RASGRP2: variants seen among roughly 807,000 people sequenced by gnomAD.
RASGRP2 encodes RAS guanyl releasing protein 2, also known as RAS guanyl-releasing protein 2.
RASGRP2 carries 44 observed loss-of-function variants against 71.0 expected under a neutral mutation model. The observed-to-expected ratio is 0.62, with a 90% CI of 0.49 to 0.80. The LOEUF (loss-of-function observed/expected upper bound fraction) is 0.80. Among genes scored for constraint, RASGRP2 ranks in the 30% least tolerant of loss-of-function variants. The pLI is 0.00. For synonymous variants in RASGRP2, 350 were observed against 330.7 expected (o/e 1.06, Z -0.63); for missense variants, 663 against 813.4 (o/e 0.82, Z 2.25).
chr11:64,735,131 C>G lies in RASGRP2; in HGVS notation c.1393G>C (p.Gly465Arg). 1.2e-6 allele frequency: 2 copies of G among 1,614,148 alleles called. No homozygotes were observed. ...RGNFPYLSAF[G>R]DLDQNQDGCI... ...CCTCACTGGTTCTGGTCGAGGTCCC[C>G]AAAGGCGCTGAGGTAAGGGAAGTTC... The change falls in exon 12 of 17, where the codon GGG becomes CGG. Residue 465 changes from glycine (G) to arginine (R), a missense_variant. By Grantham distance (125) the Gly-to-Arg change is moderately radical. Transcript: ENST00000394432. This position sits in a 1 kb window ranked among gnomAD's most constrained non-coding sequence, Gnocchi z 4.2.
At chr11:64,732,396 C>T (rs994169121) in intron 12 of RASGRP2, among the ~76,000 whole-genome samples, 5 of 152,064 alleles carry the variant, frequency 3.3e-5, no homozygotes, top group African/African-American at 7.2e-5. Flanking sequence ...CGGTGGCTCA[C>T]GCCTATAATC....
intron 12 of RASGRP2, among the ~76,000 whole-genome samples, chr11:64,732,417 G>C (rs1042364205): frequency 5.9e-5 from 9 of 152,242 alleles, no homozygotes; most frequent in Non-Finnish European, 1.2e-4. Flanking sequence ...CCAGAACTTC[G>C]GGAGGCCGAG....
chr11:64,735,189 G>A lies in RASGRP2; in HGVS notation c.1335C>T (p.His445=), dbSNP rs375253063. 1.4e-4 allele frequency: 224 copies of A among 1,614,124 alleles called. No homozygotes were observed. The highest frequency in any genetic ancestry group is 1.8e-4 in the Non-Finnish European group (212 of 1,180,060). The change falls in exon 12 of 17, where the codon CAC becomes CAT. Residue 445 remains histidine, a synonymous_variant. Coordinates refer to ENST00000394432, the MANE Select transcript of RASGRP2 (RefSeq NM_001098671.2). This position sits in a 1 kb window ranked among gnomAD's most constrained non-coding sequence, Gnocchi z 4.2. ...FRNFDVDGDG[H]ISQEEFQIIR... ...TGATCTGGAATTCTTCCTGTGAGAT[G>A]TGGCCATCCCCATCGACGTCAAAGT...
chr11:64,736,815 C>G lies in RASGRP2; in HGVS notation c.1033G>C (p.Ala345Pro), dbSNP rs200434813. 8.7e-6 allele frequency: 14 copies of G among 1,611,242 alleles called. No individual in the cohort carries two copies. The highest frequency in any genetic ancestry group is 1.1e-5 in the Non-Finnish European group (13 of 1,179,472). The change falls in exon 9 of 17, where the codon GCC (alanine) becomes CCC (proline). Residue 345 changes from alanine to proline, a missense_variant. Coordinates refer to ENST00000394432, the MANE Select transcript of RASGRP2 (RefSeq NM_001098671.2). The part of the protein sequence containing the change: ...KQLFSILEEL[A>P]MVTSLRPPVQ... ...GGTGGCCGCAGGCTGGTCACCATGGCCAGCTCCTCCAGGATGCTAAAGAGC... is the reference window on the plus strand; with the variant it reads ...GGTGGCCGCAGGCTGGTCACCATGGGCAGCTCCTCCAGGATGCTAAAGAGC...
In RASGRP2 at chr11:64,743,055, C is replaced by G; in HGVS notation, c.-71-118G>C. 8.6e-7 allele frequency: 1 copy of G among 1,166,876 alleles called. No homozygotes were observed. Among genetic ancestry groups the G allele is most frequent in the Non-Finnish European group, 1.2e-6 (1 of 813,094 alleles). 72.3% of individuals were successfully genotyped at this position (1,166,876 alleles called of 1,614,324 possible). On this transcript the variant is annotated intron_variant, in intron 1 of 16. Transcript: ENST00000394432. The surrounding 1 kb of genome is among the most constrained non-coding windows in gnomAD (Gnocchi z 4.9). ...GCTGGACAGGGGCGGAGTTGTCCCC[C>G]GCGGCCACTCCCGGGGTTAAACGGT...
chr11:64,730,268 C>T, intron 12 of RASGRP2, 74 bp from the exon 13 acceptor site: 1 of 1,536,516 alleles, frequency 6.5e-7, no homozygotes, highest in Non-Finnish European at 8.8e-7. Flanking sequence ...ACCCATCCCA[C>T]TGTTCCCAGT....
chr11:64,734,615 A>G (rs2057871137), intron 12 of RASGRP2, among the ~76,000 whole-genome samples: 1 of 152,256 alleles, frequency 6.6e-6, no homozygotes, highest in South Asian at 2.1e-4. Flanking sequence ...TTAAATTTTG[A>G]ATGGAGTTTT....
Position 64,742,069 on chromosome 11 carries a change from G to T in RASGRP2, c.117C>A (p.Phe39Leu). 6.2e-7 allele frequency: 1 copy of T among 1,610,530 alleles called. No individual in the cohort carries two copies. The highest frequency in any genetic ancestry group is 8.5e-7 in the Non-Finnish European group (1 of 1,178,380). The change falls in exon 3 of 17, where the codon TTC (phenylalanine) becomes TTA (leucine). Residue 39 changes from phenylalanine to leucine, a missense_variant. Phe to Leu is a conservative substitution (Grantham distance 22). Coordinates refer to ENST00000394432, the MANE Select transcript of RASGRP2 (RefSeq NM_001098671.2). The surrounding 1 kb of genome is among the most constrained non-coding windows in gnomAD (Gnocchi z 4.7). Reference sequence around the variant, plus strand: ...GGATGTACCAGGGGTGCATCATGAGGAACATGCGCACCAGCTGCGGGTCCC... The same window carrying T: ...GGATGTACCAGGGGTGCATCATGAGTAACATGCGCACCAGCTGCGGGTCCC... ...KVRDPQLVRM[F>L]LMMHPWYIPS...
In RASGRP2 at chr11:64,729,808, A is replaced by G; in HGVS notation, c.1555-10T>C. 6.2e-7 allele frequency: 1 copy of G among 1,614,004 alleles called. No homozygotes were observed. Among genetic ancestry groups the G allele is most frequent in the Non-Finnish European group, 8.5e-7 (1 of 1,179,926 alleles). ...TGTAGATGCCCAGGATCTGCAATAGAGGAGGGGCCGTGGTGGGAGGAGGGA... is the reference window on the plus strand; with the variant it reads ...TGTAGATGCCCAGGATCTGCAATAGGGGAGGGGCCGTGGTGGGAGGAGGGA... On this transcript the variant is annotated splice_polypyrimidine_tract_variant and intron_variant, in intron 13 of 16. Coordinates refer to ENST00000394432, the MANE Select transcript of RASGRP2 (RefSeq NM_001098671.2).
chr11:64,736,719 C>T, intron 9 of RASGRP2, 34 bp downstream of exon 9: 10 of 1,553,672 alleles, frequency 6.4e-6, no homozygotes, highest in Non-Finnish European at 8.7e-6. Context: ...CCCCTGGTGC[C>T]CAGCTCCCCA....
rs1267275261 is a variant in RASGRP2 at position 64,739,937 on chromosome 11, G to T, written c.522+76C>A. The T allele has an allele frequency of 6.2e-7, 1 of 1,609,506 alleles. No homozygotes were observed. The highest frequency in any genetic ancestry group is 1.3e-5 in the African/African-American group (1 of 74,754). On this transcript the variant is annotated intron_variant, in intron 6 of 16. Transcript: ENST00000394432. This position sits in a 1 kb window ranked among gnomAD's most constrained non-coding sequence, Gnocchi z 4.2. ...TGATGCACCCTGTGACCCAGCCTAC[G>T]CCAGGGACCCTGCCCCTCCTAGAAC...
chr11:64,744,152 C>T (rs1276570685), upstream of RASGRP2: 5 of 986,810 alleles, frequency 5.1e-6, no homozygotes, highest in South Asian at 9.3e-5. Flanking sequence ...TGCCTCTCCA[C>T]GCATGTACAC....
At chr11:64,736,661 C>A (rs781575364) in intron 9 of RASGRP2, 92 bp downstream of exon 9, 3 of 1,413,508 alleles carry the variant, frequency 2.1e-6, no homozygotes, top group Non-Finnish European at 1.9e-6. Flanking sequence ...TGGCCAGAAC[C>A]CAGAGCCCCA....
intron 15 of RASGRP2, 142 bp downstream of exon 15, chr11:64,728,721 C>T: frequency 1.0e-6 from 1 of 975,912 alleles, no homozygotes; most frequent in South Asian, 1.8e-5. Flanking sequence ...GCGTGAGCCA[C>T]CGCGCCCGGC....
chr11:64,744,239 C>G (rs1419292721), upstream of RASGRP2: 30 of 985,708 alleles, frequency 3.0e-5, no homozygotes, highest in Non-Finnish European at 3.6e-5. Context: ...GTGCAGGGCC[C>G]GCCCTGCGGC....
At chr11:64,727,485 C>A (rs2057604043) in intron 15 of RASGRP2, 125 bp from the exon 16 acceptor site, 1 of 760,002 alleles carries the variant, frequency 1.3e-6, no homozygotes, top group East Asian at 2.7e-5. Context: ...AAATCAATTC[C>A]CTGCATGACC....
In RASGRP2 at chr11:64,743,159, A is replaced by G. The variant is rs1294830321; in HGVS notation, c.-71-222T>C. 2.2e-5 allele frequency: 14 copies of G among 623,270 alleles called. No homozygotes were observed. The highest frequency in any genetic ancestry group is 3.9e-5 in the Non-Finnish European group (13 of 336,148). 38.6% of individuals were successfully genotyped at this position (623,270 alleles called of 1,614,324 possible). ...TCCGGCCCACCCTCGGAGTCGCGGG[A>G]AGGCCGAGGGGCTTCACGAGGATGG... On this transcript the variant is annotated intron_variant, in intron 1 of 16. Coordinates refer to ENST00000394432, the MANE Select transcript of RASGRP2 (RefSeq NM_001098671.2). The surrounding 1 kb of genome is among the most constrained non-coding windows in gnomAD (Gnocchi z 4.9).
At position 64,730,012 on chromosome 11, in the gene RASGRP2, G is replaced by T. The variant is rs767073635; in HGVS notation, c.1554+41C>A. ...AAGGGAGGGCGGGGCCGGGGCTGGA[G>T]GGGCGTGGCTTGGGCCGTGAGCCGG... On this transcript the variant is annotated intron_variant, in intron 13 of 16. Coordinates refer to ENST00000394432, the MANE Select transcript of RASGRP2 (RefSeq NM_001098671.2). The T allele has an allele frequency of 4.5e-6, 7 of 1,542,050 alleles. No homozygotes were observed. In the African/African-American group the frequency reaches 9.6e-5, roughly 21 times the overall value.
In RASGRP2 at chr11:64,729,033, A is replaced by C; in HGVS notation, c.1601T>G (p.Val534Gly). 6.3e-7 allele frequency: 1 copy of C among 1,597,224 alleles called. No individual in the cohort carries two copies. Among genetic ancestry groups the C allele is most frequent in the Admixed American group, 1.7e-5 (1 of 58,646 alleles). Residue 534 changes from valine to glycine, a missense_variant, in exon 15 of 17, where the codon GTG becomes GGG. Val to Gly is a moderately radical substitution (Grantham distance 109, BLOSUM62 -3). Transcript: ENST00000394432. ...ATCCTTGCACTGCTTGTGGCAGTTC[A>C]CTCCACAGGCTGGGGGAGAGCAAAT... ...KQGLKCRACGVNCHKQCKDRL... is the reference protein window; with the variant it reads ...KQGLKCRACGGNCHKQCKDRL...
Sources: gnomAD v4.1 joint callset for allele counts (sites outside exome capture counted in the v4.1 genomes callset) on GRCh38, gnomAD v4.1.1 for gene constraint, Gnocchi (gnomAD v3.1) non-coding constraint, MANE v1.5 for transcripts, NCBI Gene and HGNC (gene_info 2026-07-23, HGNC 2026-07-21) for gene names.